Variants in CTCFL observed in about 807,000 individuals in gnomAD.
The protein encoded by CTCFL is transcriptional repressor CTCFL.
Under a neutral mutation model 67.4 loss-of-function variants are expected in CTCFL, and 36 were observed. The ratio of observed to expected loss-of-function variants is 0.53; its 90% confidence interval spans 0.41 to 0.71. The LOEUF (loss-of-function observed/expected upper bound fraction) is 0.71, where lower values mean the gene tolerates loss of function less well. Among genes scored for constraint, CTCFL ranks in the 30% least tolerant of loss-of-function variants. CTCFL has a pLI of 0.00. For missense variants in CTCFL, 786 were observed against 835.2 expected (o/e 0.94, Z 0.73); for synonymous variants, 324 against 302.3 (o/e 1.07, Z -0.75).
At chr20:57,521,741 A>T (rs1180243647) in intron 3 of CTCFL, among the ~76,000 whole-genome samples, 1 of 152,246 alleles carries the variant, frequency 6.6e-6, no homozygotes, top group Non-Finnish European at 1.5e-5. Context: ...TTAGCCATTA[A>T]AAACGAATGA....
chr20:57,507,423 C>T, intron 9 of CTCFL: 1 of 616,602 alleles, frequency 1.6e-6, no homozygotes, highest in Non-Finnish European at 2.9e-6. Context: ...GTCTTGAGCT[C>T]CTGGCCTCAA....
intron 1 of CTCFL, 57 bp from the exon 2 acceptor site, chr20:57,524,273 A>G (rs1396558936): frequency 2.0e-6 from 3 of 1,516,110 alleles, no homozygotes; most frequent in African/African-American, 2.8e-5. Context: ...TGGTATGAGG[A>G]GGGATGCGGG....
At chr20:57,523,019 A>T in intron 3 of CTCFL, 49 bp downstream of exon 3, 1 of 1,396,644 alleles carries the variant, frequency 7.2e-7, no homozygotes, top group Non-Finnish European at 9.9e-7. Context: ...ATAAAGAAAA[A>T]CAGCAGCCCA....
chr20:57,508,535 G>A, intron 9 of CTCFL, 71 bp downstream of exon 9: 1 of 1,456,350 alleles, frequency 6.9e-7, no homozygotes, highest in Non-Finnish European at 9.5e-7. Flanking sequence ...AAACTCTCCT[G>A]GTGTGACACT....
chr20:57,524,041 G>A lies in CTCFL; in HGVS notation c.165C>T (p.Ala55=). Residue 55 remains alanine (A), a synonymous_variant, in exon 2 of 11, where the codon GCC becomes GCT. Coordinates refer to ENST00000243914, the MANE Select transcript of CTCFL (RefSeq NM_001386993.1). ...CTTCCTCCAGGACGCTGTCCTGGAA[G>A]GCCCCAGAGGTACGCTCGGCCTCCA... The part of the protein sequence containing the change: ...SELEAERTSG[A]FQDSVLEEEV... 6.2e-7 allele frequency: 1 copy of A among 1,613,566 alleles called. No homozygotes were observed. The highest frequency in any genetic ancestry group is 1.7e-5 in the Admixed American group (1 of 60,026).
chr20:57,523,377 G>A, intron 2 of CTCFL, 99 bp from the exon 3 acceptor site: 1 of 1,157,088 alleles, frequency 8.6e-7, no homozygotes, highest in South Asian at 1.5e-5. Flanking sequence ...AAGCCAAAGT[G>A]GAAGATTATG....
chr20:57,522,469 T>C (rs73915859), intron 3 of CTCFL, among the ~76,000 whole-genome samples: 246 of 152,310 alleles, frequency 1.6e-3, no homozygotes, highest in African/African-American at 5.5e-3. Flanking sequence ...GGCTTTAATA[T>C]TGCTTCAGGG....
intron 6 of CTCFL, chr20:57,515,029 A>G (rs2068817658): frequency 7.6e-6 from 3 of 397,272 alleles, no homozygotes; most frequent in Non-Finnish European, 1.3e-5. Context: ...AGAAGTACAC[A>G]TAAATGTATT....
intron 7 of CTCFL, chr20:57,513,580 A>G: frequency 9.0e-7 from 1 of 1,110,100 alleles, no homozygotes; most frequent in Non-Finnish European, 1.1e-6. Context: ...GTGTCAAAAA[A>G]GTCTAGCAAC....
At chr20:57,520,771 G>A (rs1299677909) in intron 3 of CTCFL, among the ~76,000 whole-genome samples, 1 of 152,228 alleles carries the variant, frequency 6.6e-6, no homozygotes, top group Non-Finnish European at 1.5e-5. Context: ...GAAGGTTTAT[G>A]GGTTGAGTTG....
In CTCFL at chr20:57,519,229, C is replaced by G. The variant is rs759052588; in HGVS notation, c.903G>C (p.Arg301=). The G allele has an allele frequency of 2.5e-6, 4 of 1,614,138 alleles. No individual in the cohort carries two copies. In the South Asian group the frequency reaches 4.4e-5, roughly 18 times the overall value. The change falls in exon 4 of 11, where the codon CGG becomes CGC. Residue 301 remains arginine, a synonymous_variant. Transcript: ENST00000243914. The part of the protein sequence containing the change: ...LKTFRTVTLL[R]NHVNTHTGTR... The stretch of plus-strand genomic sequence containing the variant: ...TACCTGTGTGGGTGTTAACATGGTT[C>G]CGCAGCAGAGTGACCGTACGGAAGG...
rs2069654564 is a variant in CTCFL at position 57,524,139 on chromosome 20, G to A, written c.67C>T (p.Pro23Ser). The change falls in exon 2 of 11, where the codon CCG (proline) becomes TCG (serine). Residue 23 changes from proline to serine, a missense_variant. Around this residue, in one of 3 missense-constraint regions of CTCFL, gnomAD observed 333 missense variants for 304.6 expected, o/e 1.09. Transcript: ENST00000243914. ...TCCTCCTCCTTCAGGCCTTTTTCCG[G>A]CATCAACTCGAGTTCTTTGATCTTG... ...FTKIKELELM[P>S]EKGLKEEEKD... 6.2e-7 allele frequency: 1 copy of A among 1,613,444 alleles called. No homozygotes were observed. Among genetic ancestry groups the A allele is most frequent in the Non-Finnish European group, 8.5e-7 (1 of 1,179,968 alleles).
chr20:57,522,878 T>G (rs2069491864), intron 3 of CTCFL, among the ~76,000 whole-genome samples, 190 bp downstream of exon 3: 1 of 152,224 alleles, frequency 6.6e-6, no homozygotes, highest in Admixed American at 6.5e-5. Context: ...TTCAAAACGT[T>G]TGTGTGTAAA....
downstream of CTCFL, chr20:57,495,987 A>G (rs1370229450): frequency 2.9e-6 from 1 of 341,830 alleles, no homozygotes; most frequent in Non-Finnish European, 5.2e-6. Flanking sequence ...TATTTATGTT[A>G]TCTGTTTTTG....
At chr20:57,524,439 C>A in intron 1 of CTCFL, 5 of 1,376,860 alleles carry the variant, frequency 3.6e-6, no homozygotes, top group Non-Finnish European at 4.7e-6. Context: ...TGTACAAAAC[C>A]CTAGAACGAA....
chr20:57,523,298 C>A lies in CTCFL; in HGVS notation c.544-20G>T. ...CTCGAGCTAATAAACAACAAATATTCAAATATGATACTATTGATTTCAGTA... is the reference window on the plus strand; with the variant it reads ...CTCGAGCTAATAAACAACAAATATTAAAATATGATACTATTGATTTCAGTA... On this transcript the variant is annotated intron_variant, in intron 2 of 10. Transcript: ENST00000243914. 6.3e-7 allele frequency: 1 copy of A among 1,596,442 alleles called. No individual in the cohort carries two copies. The highest frequency in any genetic ancestry group is 1.1e-5 in the South Asian group (1 of 90,086).
chr20:57,498,570 G>A lies in CTCFL; in HGVS notation c.1972C>T (p.Leu658Phe), dbSNP rs2067763447. 1 of 1,613,814 alleles carries A rather than the reference G, an allele frequency of 6.2e-7. No homozygotes were observed. Among genetic ancestry groups the A allele is most frequent in the East Asian group, 2.2e-5 (1 of 44,858 alleles). ...CCCTCTCACTTATCCATCGTGTTGAGGAGCATTTCACAGGTCACGCCTTCA... is the reference window on the plus strand; with the variant it reads ...CCCTCTCACTTATCCATCGTGTTGAAGAGCATTTCACAGGTCACGCCTTCA... ...VDEGVTCEML[L>F]NTMDK Residue 658 changes from leucine to phenylalanine, a missense_variant, in exon 11 of 11, where the codon CTC becomes TTC. By Grantham distance (22) the Leu-to-Phe change is conservative. Around this residue, in one of 3 missense-constraint regions of CTCFL, gnomAD observed 199 missense variants for 196.7 expected, o/e 1.01. Coordinates refer to ENST00000243914, the MANE Select transcript of CTCFL (RefSeq NM_001386993.1).
intron 9 of CTCFL, among the ~76,000 whole-genome samples, chr20:57,505,914 A>C (rs1034207375): frequency 6.6e-6 from 1 of 152,246 alleles, no homozygotes; most frequent in African/African-American, 2.4e-5. Context: ...ATTATGCGAA[A>C]CATCCCGCCT....
chr20:57,519,517 G>C (rs189284462), intron 3 of CTCFL, 140 bp from the exon 4 acceptor site: 1 of 735,980 alleles, frequency 1.4e-6, no homozygotes, highest in African/African-American at 1.8e-5. Flanking sequence ...CAAGCTGATC[G>C]AAGCAATTCA....
Sources: gnomAD v4.1 joint callset for allele counts (sites outside exome capture counted in the v4.1 genomes callset) on GRCh38, gnomAD v4.1.1 for gene constraint, gnomAD v4.1.1 regional missense constraint, MANE v1.5 for transcripts, NCBI Gene and HGNC (gene_info 2026-07-23, HGNC 2026-07-21) for gene names.